Variants in VGLL3 observed in about 807,000 individuals in gnomAD.
The protein encoded by VGLL3 is transcription cofactor vestigial-like protein 3.
VGLL3 carries 18 observed loss-of-function variants against 29.2 expected under a neutral mutation model. The observed-to-expected ratio is 0.62, with a 90% CI of 0.43 to 0.91. The LOEUF (loss-of-function observed/expected upper bound fraction) is 0.91, where lower values mean the gene tolerates loss of function less well. Ranked by LOEUF, VGLL3 falls within the 40% of genes least tolerant of loss-of-function variation. The probability of loss-of-function intolerance (pLI) is 0.00; values close to 1 mark genes in which losing one functional copy is unlikely to be tolerated. For synonymous variants in VGLL3, 180 were observed against 151.8 expected, an observed-to-expected ratio of 1.19 and a Z score of -1.36; for missense variants, 440 against 413.2, an observed-to-expected ratio of 1.06 and a Z score of -0.56.
Position 86,946,959 on chromosome 3 carries a change from A to T in VGLL3, c.*65T>A, listed in dbSNP as rs368090851. The T allele has an allele frequency of 1.2e-4, 93 of 769,866 alleles. No homozygotes were observed. Among genetic ancestry groups the T allele is most frequent in the Middle Eastern group, 2.3e-4 (1 of 4,430 alleles). 47.7% of individuals were successfully genotyped at this position (769,866 alleles called of 1,614,324 possible). On this transcript the variant is annotated 3_prime_UTR_variant, in exon 4 of 4. Coordinates refer to ENST00000398399, the MANE Select transcript of VGLL3 (RefSeq NM_016206.4). ...TCCTATTGCTGAATGGAAAAACCCG[A>T]CAGTATCTTTTCCCAGTGGGCCCTT... is the stretch of plus-strand genomic sequence containing the variant.
Position 86,990,877 on chromosome 3 carries a change from C to A in VGLL3, c.-134G>T. On this transcript the variant is annotated 5_prime_UTR_variant, in exon 1 of 4. It adds an upstream start codon to the 5' untranslated region. Coordinates refer to ENST00000398399, the MANE Select transcript of VGLL3 (RefSeq NM_016206.4). ...GCTGCTACTGCGGCGAAGGCGGGTC[C>A]TCGGCGGCCTCGGGCTCCGCGCGGG... 5.3e-6 allele frequency: 6 copies of A among 1,140,912 alleles called. No individual in the cohort carries two copies. Among genetic ancestry groups the A allele is most frequent in the Non-Finnish European group, 6.5e-6 (6 of 922,898 alleles). 70.7% of individuals were successfully genotyped at this position (1,140,912 alleles called of 1,614,324 possible). A position where few individuals can be genotyped will look rare whatever the true frequency, so the allele number is the denominator to read the frequency against.
intron 3 of VGLL3, among the ~76,000 whole-genome samples, chr3:86,956,347 T>C (rs760368085): frequency 1.3e-5 from 2 of 152,220 alleles, no homozygotes; most frequent in African/African-American, 2.4e-5. Context: ...CTTCCTTCTA[T>C]AGTGAGTGAG....
intron 3 of VGLL3, among the ~76,000 whole-genome samples, chr3:86,959,339 T>G (rs1458050904): frequency 2.6e-5 from 4 of 152,218 alleles, no homozygotes; most frequent in African/African-American, 9.6e-5. Flanking sequence ...TAATCATTTA[T>G]ACAGATTACT....
chr3:86,949,427 C>T (rs942251696), intron 3 of VGLL3, among the ~76,000 whole-genome samples: 8 of 152,160 alleles, frequency 5.3e-5, no homozygotes, highest in African/African-American at 1.9e-4. Flanking sequence ...AAAAATTTTG[C>T]TTTAATTACC....
rs1204888002 is a variant in VGLL3 at position 86,978,760 on chromosome 3, C to T, written c.169G>A (p.Val57Ile). 6.2e-7 allele frequency: 1 copy of T among 1,613,460 alleles called. No individual in the cohort carries two copies. Among genetic ancestry groups the T allele is most frequent in the African/African-American group, 1.3e-5 (1 of 74,914 alleles). The change falls in exon 2 of 4, where the codon GTC becomes ATC. Residue 57 changes from valine (V) to isoleucine (I), a missense_variant. Coordinates refer to ENST00000398399, the MANE Select transcript of VGLL3 (RefSeq NM_016206.4). Reference sequence around the variant, plus strand: ...TCCTCTTGTTTGCTGGGAAGGGTGACTTCCAGAGAGTCCTGCATCTTGCTG... The same window carrying T: ...TCCTCTTGTTTGCTGGGAAGGGTGATTTCCAGAGAGTCCTGCATCTTGCTG... ...VFSKMQDSLE[V>I]TLPSKQEEED... is the part of the protein sequence containing the mutation.
chr3:86,955,492 C>A (rs767237392), intron 3 of VGLL3, among the ~76,000 whole-genome samples: 2 of 151,194 alleles, frequency 1.3e-5, no homozygotes, highest in Non-Finnish European at 2.9e-5. Context: ...TGGGTTCAAG[C>A]GATTCTCATG....
At chr3:86,948,524 A>G (rs1427850798) in intron 3 of VGLL3, among the ~76,000 whole-genome samples, 1 of 152,168 alleles carries the variant, frequency 6.6e-6, no homozygotes, top group Non-Finnish European at 1.5e-5. Flanking sequence ...GGAGATATAC[A>G]TATGTAACTA....
chr3:86,962,266 AAAGT>A (rs1464174157), intron 3 of VGLL3: 13 of 985,318 alleles, frequency 1.3e-5, no homozygotes, highest in Non-Finnish European at 1.6e-5. Flanking sequence ...GAGGGAGCAA[AAAGT>A]AAGAGTGAGC....
rs1486349931 is a variant in VGLL3 at position 86,951,017 on chromosome 3, T to G, written c.938-3950A>C. ...CTTACTTCAATGCCAACACCACTAC[T>G]GCCTGACCACCAAAAGAAAAGGAAA... On this transcript the variant is annotated intron_variant, in intron 3 of 3. Coordinates refer to ENST00000398399, the MANE Select transcript of VGLL3 (RefSeq NM_016206.4). Among the ~76,000 whole-genome samples the G allele has an allele frequency of 2.0e-5, 3 of 152,042 alleles. No homozygotes were observed. In the East Asian group the frequency reaches 5.8e-4, roughly 29 times the overall value.
At chr3:86,948,494 G>A (rs1035259086) in intron 3 of VGLL3, among the ~76,000 whole-genome samples, 1 of 151,950 alleles carries the variant, frequency 6.6e-6, no homozygotes, top group Non-Finnish European at 1.5e-5. Flanking sequence ...ACTACACAAA[G>A]GGCAAAAGAA....
intron 1 of VGLL3, among the ~76,000 whole-genome samples, chr3:86,987,071 A>G (rs887283401): frequency 9.9e-5 from 15 of 152,176 alleles, no homozygotes; most frequent in African/African-American, 3.1e-4. Context: ...ATTTCATGTC[A>G]TTGTACAAAG....
At chr3:86,977,086 T>C (rs1387131065) in intron 2 of VGLL3, among the ~76,000 whole-genome samples, 1 of 152,214 alleles carries the variant, frequency 6.6e-6, no homozygotes, top group Non-Finnish European at 1.5e-5. Context: ...ATAACTAGTA[T>C]GTTTTTCAGT....
chr3:86,973,976 G>A (rs1270753613), intron 2 of VGLL3, among the ~76,000 whole-genome samples: 1 of 152,050 alleles, frequency 6.6e-6, no homozygotes, highest in South Asian at 2.1e-4. Flanking sequence ...CAGTGCATAG[G>A]CATATTTGAA....
chr3:86,989,855 TC>T (rs983254696), intron 1 of VGLL3, among the ~76,000 whole-genome samples: 1 of 152,126 alleles, frequency 6.6e-6, no homozygotes, highest in African/African-American at 2.4e-5. Flanking sequence ...ACTCTACTGT[TC>T]CTTCTAAAGT....
intron 1 of VGLL3, chr3:86,990,376 C>T (rs1705553093): frequency 2.0e-6 from 2 of 985,282 alleles, no homozygotes; most frequent in Admixed American, 1.2e-4. Flanking sequence ...GAGGAGCAGC[C>T]TCTGAGCTCC....
At position 86,989,799 on chromosome 3, in the gene VGLL3, A is replaced by G. The variant is rs114289948; in HGVS notation, c.126+819T>C. 3.9e-3 allele frequency among the ~76,000 whole-genome samples: 601 copies of G among 152,254 alleles called. 4 individuals carry two copies. Among genetic ancestry groups the G allele is most frequent in the African/African-American group, 0.014 (568 of 41,524 alleles). ...TAAGCCTTGGCACACTCTCCGTTGT[A>G]TCCAGAGAGTAATGTCCAAGGGCGC... On this transcript the variant is annotated intron_variant, in intron 1 of 3. Transcript: ENST00000398399.
intron 3 of VGLL3, among the ~76,000 whole-genome samples, chr3:86,959,146 C>T (rs1704785007): frequency 6.6e-6 from 1 of 152,032 alleles, no homozygotes; most frequent in Admixed American, 6.6e-5. Flanking sequence ...GGTAGGTACA[C>T]AAAATTCTAT....
chr3:86,962,055 C>T (rs929884820), intron 3 of VGLL3: 9 of 984,988 alleles, frequency 9.1e-6, no homozygotes, highest in Non-Finnish European at 1.1e-5. Flanking sequence ...CTTATTATCA[C>T]ATTCTGAGTA....
intron 3 of VGLL3, among the ~76,000 whole-genome samples, chr3:86,947,432 G>A (rs1218807475): frequency 2.0e-5 from 3 of 152,088 alleles, no homozygotes; most frequent in East Asian, 3.9e-4. Flanking sequence ...ATAATCTTTG[G>A]AGCATTTATG....
Sources: allele counts gnomAD v4.1 joint callset (sites outside exome capture counted in the v4.1 genomes callset), GRCh38; gene constraint gnomAD v4.1.1; transcripts MANE v1.5; gene names NCBI Gene and HGNC (gene_info 2026-07-23, HGNC 2026-07-21).